Variants in PCDH7 observed in about 807,000 individuals in gnomAD.
PCDH7 encodes the protein protocadherin 7, also known as protocadherin-7.
PCDH7 carries 17 observed loss-of-function variants against 58.9 expected under a neutral mutation model. That is an observed-to-expected ratio of 0.29 (90% CI 0.20 to 0.43). The LOEUF is 0.43. Ranked by LOEUF, PCDH7 falls within the 20% of genes least tolerant of loss-of-function variation. PCDH7 has a pLI of 1.00. For synonymous variants in PCDH7, 664 were observed against 616.4 expected (o/e 1.08, Z -1.14); for missense variants, 1,274 against 1,441.0 (o/e 0.88, Z 1.88).
At chr4:30,853,184 C>T (rs542012914) in intron 1 of PCDH7, among the ~76,000 whole-genome samples, 1 of 152,186 alleles carries the variant, frequency 6.6e-6, no homozygotes, top group East Asian at 1.9e-4. Context: ...GTCAGAGAGA[C>T]ATAAATTTGA....
At chr4:30,979,506 A>G (rs891834570) in intron 3 of PCDH7, among the ~76,000 whole-genome samples, 1 of 152,072 alleles carries the variant, frequency 6.6e-6, no homozygotes, top group African/African-American at 2.4e-5. Context: ...TCAGCAGTAG[A>G]CCAAAAGTGG....
At chr4:30,860,104 A>G (rs1734009204) in intron 1 of PCDH7, among the ~76,000 whole-genome samples, 1 of 152,174 alleles carries the variant, frequency 6.6e-6, no homozygotes, top group Non-Finnish European at 1.5e-5. Context: ...AAGGCATTCA[A>G]TTCTCAAACC....
At chr4:30,788,546 A>T (rs1201541500) in intron 1 of PCDH7, among the ~76,000 whole-genome samples, 1 of 151,706 alleles carries the variant, frequency 6.6e-6, no homozygotes, top group Admixed American at 6.6e-5. Context: ...CCAAAATAAT[A>T]AAAAAAACTA....
chr4:31,027,022 T>C (rs1754491688), intron 3 of PCDH7, among the ~76,000 whole-genome samples: 1 of 152,198 alleles, frequency 6.6e-6, no homozygotes, highest in Admixed American at 6.5e-5. Flanking sequence ...AAAAAACTAA[T>C]CTAATGCAAT....
intron 3 of PCDH7, among the ~76,000 whole-genome samples, chr4:31,117,175 C>A (rs369836188): frequency 2.6e-5 from 4 of 152,252 alleles, no homozygotes; most frequent in South Asian, 4.1e-4. Flanking sequence ...AGCCACCGCT[C>A]CCGGCCTAGG....
intron 3 of PCDH7, among the ~76,000 whole-genome samples, chr4:31,003,921 A>G (rs1042318047): frequency 1.1e-4 from 17 of 152,276 alleles, no homozygotes; most frequent in Admixed American, 3.3e-4. Flanking sequence ...CATTTTAACT[A>G]ACACTAAATG....
intron 3 of PCDH7, among the ~76,000 whole-genome samples, chr4:31,100,262 G>A (rs529615206): frequency 3.3e-5 from 5 of 152,242 alleles, no homozygotes; most frequent in African/African-American, 4.8e-5. Context: ...TGGAGATATC[G>A]GGGGGATCAG....
At chr4:30,766,918 C>T (rs1045115271) in intron 1 of PCDH7, among the ~76,000 whole-genome samples, 1 of 152,032 alleles carries the variant, frequency 6.6e-6, no homozygotes, top group African/African-American at 2.4e-5. Context: ...AATGTACCAT[C>T]CATCAAAAAA....
At chr4:30,897,381 C>A (rs930371781) in intron 1 of PCDH7, among the ~76,000 whole-genome samples, 3 of 152,124 alleles carry the variant, frequency 2.0e-5, no homozygotes. Flanking sequence ...ATAAGTGGCT[C>A]ACTAACTTGA....
chr4:30,990,833 C>T (rs1023018638), intron 3 of PCDH7, among the ~76,000 whole-genome samples: 25 of 152,200 alleles, frequency 1.6e-4, no homozygotes, highest in African/African-American at 5.8e-4. Flanking sequence ...TGCTCAACTT[C>T]CCATTTTTAA....
chr4:30,900,453 T>G (rs566681092), intron 1 of PCDH7, among the ~76,000 whole-genome samples: 1 of 152,318 alleles, frequency 6.6e-6, no homozygotes, highest in Admixed American at 6.5e-5. Flanking sequence ...AGATAAAATT[T>G]ATATTCTTGA....
intron 1 of PCDH7, among the ~76,000 whole-genome samples, chr4:30,796,762 G>A (rs192058805): frequency 4.6e-5 from 7 of 152,146 alleles, no homozygotes; most frequent in African/African-American, 9.6e-5. Flanking sequence ...TTTACTTTCT[G>A]TTCTTCTTCT....
downstream of PCDH7, chr4:31,143,783 A>C (rs962089222): frequency 2.6e-5 from 4 of 152,228 alleles, no homozygotes; most frequent in African/African-American, 9.6e-5. Flanking sequence ...GAACCCATGT[A>C]TGCACAGAAA....
At chr4:30,747,376 CTTTTT>C (rs148473515) in intron 1 of PCDH7, among the ~76,000 whole-genome samples, 1 of 152,104 alleles carries the variant, frequency 6.6e-6, no homozygotes, top group Non-Finnish European at 1.5e-5. Flanking sequence ...AAACAACAAA[CTTTTT>C]TATTTTAAAT....
intron 1 of PCDH7, among the ~76,000 whole-genome samples, chr4:30,779,635 G>A (rs1341519308): frequency 1.3e-5 from 2 of 152,130 alleles, no homozygotes; most frequent in African/African-American, 4.8e-5. Flanking sequence ...TTCATAAAGA[G>A]GAAACTGTTT....
At position 30,765,125 on chromosome 4, in the gene PCDH7, C is replaced by CTTTTTTTTTTTTTTTTT. The variant is rs10692198; in HGVS notation, c.70+40539_70+40555dup. On this transcript the variant is annotated intron_variant, in intron 1 of 3. Coordinates refer to the PCDH7 transcript ENST00000509759. The stretch of plus-strand genomic sequence containing the variant: ...GGAAAGAGAGATAGGACTTCAGATG[C>CTTTTTTTTTTTTTTTTT]TTTTTTTTTTTTTTTTTTTTTTTTT... 1.1e-3 allele frequency among the ~76,000 whole-genome samples: 54 copies of CTTTTTTTTTTTTTTTTT among 49,214 alleles called. 17 individuals are homozygous for CTTTTTTTTTTTTTTTTT. Among genetic ancestry groups the CTTTTTTTTTTTTTTTTT allele is most frequent in the Non-Finnish European group, 1.7e-3 (47 of 27,750 alleles). 32.3% of individuals were successfully genotyped at this position (49,214 alleles called of 152,430 possible).
chr4:30,868,468 T>C (rs1183958833), intron 1 of PCDH7, among the ~76,000 whole-genome samples: 1 of 152,126 alleles, frequency 6.6e-6, no homozygotes, highest in Non-Finnish European at 1.5e-5. Context: ...TGTTCTGATT[T>C]AGCTTCTCTG....
Position 31,073,048 on chromosome 4 carries a change from GC to G in PCDH7, c.*8-69423del, listed in dbSNP as rs573490592. Reference sequence around the variant, plus strand: ...AAAATTAACAGAGAAGCTGAATGTGGCCTAGATCCTGAAGAGTATGTAAATA... The same window carrying G: ...AAAATTAACAGAGAAGCTGAATGTGGCTAGATCCTGAAGAGTATGTAAATA... On this transcript the variant is annotated intron_variant, in intron 3 of 3. Transcript: ENST00000509759. Among the ~76,000 whole-genome samples the G allele has an allele frequency of 1.3e-3, 192 of 152,202 alleles. 5 individuals are homozygous for G. Among genetic ancestry groups the G allele is most frequent in the Non-Finnish European group, 6.0e-4 (41 of 67,998 alleles).
intron 3 of PCDH7, among the ~76,000 whole-genome samples, chr4:31,061,552 A>G (rs941086086): frequency 6.6e-6 from 1 of 151,644 alleles, no homozygotes; most frequent in African/African-American, 2.4e-5. Context: ...TGGAGAAAAA[A>G]AAAGAGTCTC....
Sources: gnomAD v4.1 joint callset for allele counts (sites outside exome capture counted in the v4.1 genomes callset) on GRCh38, gnomAD v4.1.1 for gene constraint, MANE v1.5 for transcripts, NCBI Gene and HGNC (gene_info 2026-07-23, HGNC 2026-07-21) for gene names.